The following LMBR1 variants were observed in gnomAD, a reference collection of about 807,000 sequenced individuals.
LMBR1 encodes limb development membrane protein 1.
LMBR1 carries 52 observed loss-of-function variants against 73.9 expected under a neutral mutation model. That is an observed-to-expected ratio of 0.70 (90% CI 0.56 to 0.89). The LOEUF (loss-of-function observed/expected upper bound fraction) is 0.89, where lower values mean the gene tolerates loss of function less well. Ranked by LOEUF, LMBR1 falls within the 40% of genes least tolerant of loss-of-function variation. LMBR1 has a pLI of 0.00. For missense variants in LMBR1, 539 were observed against 579.8 expected, an observed-to-expected ratio of 0.93 and a Z score of 0.72; for synonymous variants, 215 against 209.4, an observed-to-expected ratio of 1.03 and a Z score of -0.23.
intron 1 of LMBR1, among the ~76,000 whole-genome samples, chr7:156,856,222 GTAGATAGA>G (rs59069931): frequency 3.3e-5 from 5 of 151,930 alleles, no homozygotes; most frequent in East Asian, 1.9e-4. Flanking sequence ...AGACAGATAG[GTAGATAGA>G]TAGATAGATA....
intron 1 of LMBR1, among the ~76,000 whole-genome samples, chr7:156,857,613 T>C (rs1301930424): frequency 6.6e-6 from 1 of 152,204 alleles, no homozygotes; most frequent in Non-Finnish European, 1.5e-5. Context: ...TGGATCTAAT[T>C]GACATTTATA....
chr7:156,810,082 G>C (rs947625833), intron 4 of LMBR1, among the ~76,000 whole-genome samples: 1 of 151,972 alleles, frequency 6.6e-6, no homozygotes, highest in African/African-American at 2.4e-5. Context: ...AAAAAAAAGA[G>C]AGAGATTTAT....
rs771561725 is a variant in LMBR1, at chr7:156,726,097, T to C, written c.994-260A>G. On this transcript the variant is annotated intron_variant, in intron 12 of 16. Coordinates refer to ENST00000353442, the MANE Select transcript of LMBR1 (RefSeq NM_022458.4). ...ATTTAAGTTACTTGTCAAGATGACA[T>C]GATTATGCTTACTGTTATAAAATGG... The C allele has an allele frequency of 9.1e-4, 313 of 344,288 alleles. 2 individuals carry two copies. Among genetic ancestry groups the C allele is most frequent in the Non-Finnish European group, 1.4e-3 (259 of 190,498 alleles). The allele number at this position is 344,288 out of a possible 1,614,324, so 21.3% of individuals were successfully genotyped here.
chr7:156,840,808 A>G (rs1838546171), intron 1 of LMBR1, among the ~76,000 whole-genome samples: 1 of 151,248 alleles, frequency 6.6e-6, no homozygotes, highest in Admixed American at 6.6e-5. Context: ...AAATACAAAA[A>G]AAAAAAATTA....
intron 5 of LMBR1, among the ~76,000 whole-genome samples, chr7:156,793,509 G>A (rs553726768): frequency 6.6e-6 from 1 of 152,168 alleles, no homozygotes; most frequent in Non-Finnish European, 1.5e-5. Context: ...TGCTCAAGCT[G>A]AGTTATTCTA....
At chr7:156,849,446 T>G (rs750173675) in intron 1 of LMBR1, among the ~76,000 whole-genome samples, 20 of 152,104 alleles carry the variant, frequency 1.3e-4, no homozygotes, top group Non-Finnish European at 2.5e-4. Context: ...CAAACCCCTG[T>G]GAAACATAGT....
rs1405034798 is a variant in LMBR1, at chr7:156,815,091, G to A, written c.319+11514C>T. On this transcript the variant is annotated intron_variant, in intron 4 of 16. Transcript: ENST00000353442. Reference sequence around the variant, plus strand: ...GAATCGCTTGAACCTGGGAAGAAGAGGTTGTGGTGAGCCAAGATCATGCCA... The same window carrying A: ...GAATCGCTTGAACCTGGGAAGAAGAAGTTGTGGTGAGCCAAGATCATGCCA... 2.0e-5 allele frequency among the ~76,000 whole-genome samples: 3 copies of A among 147,534 alleles called. No individual in the cohort carries two copies. In the Admixed American group the frequency reaches 2.1e-4, roughly 10 times the overall value.
In LMBR1 at chr7:156,826,714, C is replaced by T; in HGVS notation, c.210G>A (p.Val70=). Residue 70 remains valine (V), a synonymous_variant, in exon 4 of 17, where the codon GTG becomes GTA. Transcript: ENST00000353442. ...GTAAAAGCAAAACAGCCCCAGCTGA[C>T]ACTGCGAGAGTGAACGTGCTCAAAA... is the stretch of plus-strand genomic sequence containing the variant. ...SLFLSTFTLA[V]SAGAVLLLPF... 6.2e-7 allele frequency: 1 copy of T among 1,611,858 alleles called. No individual in the cohort carries two copies. Among genetic ancestry groups the T allele is most frequent in the Non-Finnish European group, 8.5e-7 (1 of 1,178,720 alleles).
intron 5 of LMBR1, among the ~76,000 whole-genome samples, chr7:156,785,503 C>T (rs1456734780): frequency 1.3e-5 from 2 of 152,208 alleles, no homozygotes; most frequent in East Asian, 1.9e-4. Context: ...AGCAGTGGCT[C>T]GCAAACTTAT....
chr7:156,805,814 T>TA (rs373724533), intron 4 of LMBR1, among the ~76,000 whole-genome samples: 39 of 152,288 alleles, frequency 2.6e-4, no homozygotes, highest in African/African-American at 9.1e-4. Context: ...TGATGGTCGT[T>TA]AGAGACAGGA....
downstream of LMBR1, among the ~76,000 whole-genome samples, chr7:156,675,282 T>C (rs1803601052): frequency 6.6e-6 from 1 of 152,214 alleles, no homozygotes; most frequent in Non-Finnish European, 1.5e-5. Flanking sequence ...GCAAGGCCTG[T>C]GTGCTGTCTC....
chr7:156,787,318 T>G (rs1284399414), intron 5 of LMBR1, among the ~76,000 whole-genome samples: 2 of 152,224 alleles, frequency 1.3e-5, no homozygotes, highest in Non-Finnish European at 2.9e-5. Flanking sequence ...TGTTCCTGTT[T>G]GTTGTTCTTC....
At chr7:156,860,350 A>G (rs1047142323) in intron 1 of LMBR1, among the ~76,000 whole-genome samples, 3 of 151,930 alleles carry the variant, frequency 2.0e-5, no homozygotes, top group Non-Finnish European at 2.9e-5. Context: ...ATCAGATCTC[A>G]TGAGACTTAT....
At chr7:156,858,204 C>A (rs1797243505) in intron 1 of LMBR1, among the ~76,000 whole-genome samples, 1 of 151,418 alleles carries the variant, frequency 6.6e-6, no homozygotes, top group African/African-American at 2.4e-5. Flanking sequence ...CCAGGCCAAC[C>A]AAGTAGAAAA....
chr7:156,752,383 T>C (rs138294042), intron 9 of LMBR1, among the ~76,000 whole-genome samples: 92 of 152,314 alleles, frequency 6.0e-4, no homozygotes, highest in African/African-American at 2.0e-3. Flanking sequence ...CATATCTTTA[T>C]GCTGATGGAA....
intron 8 of LMBR1, among the ~76,000 whole-genome samples, chr7:156,760,732 TAAA>T (rs1249699790): frequency 6.6e-6 from 1 of 152,160 alleles, no homozygotes; most frequent in Non-Finnish European, 1.5e-5. Context: ...TTTTTAAAAA[TAAA>T]AAATTAAACT....
chr7:156,799,635 A>G (rs1181407450), intron 4 of LMBR1, among the ~76,000 whole-genome samples: 1 of 152,176 alleles, frequency 6.6e-6, no homozygotes, highest in Non-Finnish European at 1.5e-5. Flanking sequence ...TAATAATCCT[A>G]CAATGTCCTC....
chr7:156,740,642 T>G (rs1468573504), intron 9 of LMBR1, among the ~76,000 whole-genome samples: 1 of 152,210 alleles, frequency 6.6e-6, no homozygotes, highest in Non-Finnish European at 1.5e-5. Flanking sequence ...ATAGTATATC[T>G]GGTGAAAATA....
At chr7:156,830,760 T>C (rs911272243) in intron 3 of LMBR1, among the ~76,000 whole-genome samples, 1 of 152,242 alleles carries the variant, frequency 6.6e-6, no homozygotes, top group Non-Finnish European at 1.5e-5. Flanking sequence ...CAGGATCACC[T>C]ATGGAGCTTT....
Sources: allele counts gnomAD v4.1 joint callset (sites outside exome capture counted in the v4.1 genomes callset), GRCh38; gene constraint gnomAD v4.1.1; transcripts MANE v1.5; gene names NCBI Gene and HGNC (gene_info 2026-07-23, HGNC 2026-07-21).